The following SLIT3 variants were observed in gnomAD, a reference collection of about 807,000 sequenced individuals.
SLIT3 encodes the protein slit homolog 3 protein.
Under a neutral mutation model 184.0 loss-of-function variants are expected in SLIT3, and 68 were observed. That is an observed-to-expected ratio of 0.37 (90% CI 0.30 to 0.45). SLIT3 has a LOEUF of 0.45. Among genes scored for constraint, SLIT3 ranks in the 20% least tolerant of loss-of-function variants. The probability of loss-of-function intolerance (pLI) is 1.00; values close to 1 mark genes in which losing one functional copy is unlikely to be tolerated. For synonymous variants in SLIT3, 831 were observed against 828.6 expected (o/e 1.00, Z -0.05); for missense variants, 1,707 against 2,026.0 (o/e 0.84, Z 3.02).
chr5:168,957,783 A>T (rs1043996884), intron 4 of SLIT3, among the ~76,000 whole-genome samples: 1 of 152,038 alleles, frequency 6.6e-6, no homozygotes, highest in Non-Finnish European at 1.5e-5. Context: ...TGGGGGCGGG[A>T]GGGCCACAGG....
chr5:168,942,648 C>A (rs930789982), intron 4 of SLIT3, among the ~76,000 whole-genome samples: 1 of 152,068 alleles, frequency 6.6e-6, no homozygotes, highest in African/African-American at 2.4e-5. Flanking sequence ...TGTACTTATT[C>A]ATTCCACATT....
In SLIT3 at chr5:169,056,703, T is replaced by C. The variant is rs562167431; in HGVS notation, c.413+136776A>G. Among the ~76,000 whole-genome samples, 24 of 152,348 alleles carry C rather than the reference T, an allele frequency of 1.6e-4. 2 individuals are homozygous for C. The South Asian group carries it at 4.8e-3, about 30-fold the overall frequency. On this transcript the variant is annotated intron_variant, in intron 4 of 35. Transcript: ENST00000519560. ...AGAATTCCTACTGTTCCTGCAGCTG[T>C]GGATTTCATCGTTTCTACTTTATAA...
chr5:169,150,870 T>C (rs1219906036), intron 4 of SLIT3, among the ~76,000 whole-genome samples: 3 of 152,148 alleles, frequency 2.0e-5, no homozygotes, highest in African/African-American at 7.2e-5. Flanking sequence ...ACACGTAGCT[T>C]GGGAATCAGC....
chr5:168,748,231 T>G, intron 20 of SLIT3, 71 bp downstream of exon 20: 1 of 1,401,922 alleles, frequency 7.1e-7, no homozygotes, highest in Non-Finnish European at 9.3e-7. Flanking sequence ...CTTGAGATTC[T>G]GGGGTAAAGT....
chr5:168,796,381 T>G (rs1756566176), intron 9 of SLIT3, among the ~76,000 whole-genome samples: 1 of 152,224 alleles, frequency 6.6e-6, no homozygotes, highest in South Asian at 2.1e-4. Context: ...AATGACTTCC[T>G]GTCACCAAGA....
intron 1 of SLIT3, among the ~76,000 whole-genome samples, chr5:169,283,725 T>C (rs1009879681): frequency 3.3e-5 from 5 of 152,168 alleles, no homozygotes; most frequent in Non-Finnish European, 5.9e-5. Flanking sequence ...GTTCATCCAA[T>C]CAAAATCACT....
At chr5:168,702,399 C>T (rs936712964) in intron 26 of SLIT3, among the ~76,000 whole-genome samples, 1 of 152,132 alleles carries the variant, frequency 6.6e-6, no homozygotes, top group Non-Finnish European at 1.5e-5. Flanking sequence ...GGGGAGCAAG[C>T]AGCTGAACCC....
chr5:168,732,550 A>G (rs534944171), intron 20 of SLIT3, among the ~76,000 whole-genome samples: 3 of 152,202 alleles, frequency 2.0e-5, no homozygotes, highest in Non-Finnish European at 4.4e-5. Context: ...TGGAGGCATC[A>G]TATTACCTGA....
intron 4 of SLIT3, among the ~76,000 whole-genome samples, chr5:169,035,150 G>A (rs1757189288): frequency 6.6e-6 from 1 of 152,064 alleles, no homozygotes; most frequent in South Asian, 2.1e-4. Context: ...ATGCCTTCTA[G>A]AACTTCTAGG....
At chr5:168,726,275 C>T (rs534162959) in intron 20 of SLIT3, among the ~76,000 whole-genome samples, 1 of 149,442 alleles carries the variant, frequency 6.7e-6, no homozygotes, top group Non-Finnish European at 1.5e-5. Flanking sequence ...TACCAAGTAT[C>T]GTATATACTG....
At chr5:169,177,241 C>G (rs117583965) in intron 4 of SLIT3, among the ~76,000 whole-genome samples, 1 of 152,256 alleles carries the variant, frequency 6.6e-6, no homozygotes, top group South Asian at 2.1e-4. Flanking sequence ...TAATTTACAA[C>G]AGGGAAGTAA....
rs754569920 is a variant in SLIT3, at chr5:168,883,219, C to T, written c.485+46G>A. ...CCTCACCCTCACTCTGGTCAGAGAG[C>T]CCAAGTTAGCCACATACGTAGTGAA... On this transcript the variant is annotated intron_variant, in intron 5 of 35. Coordinates refer to ENST00000519560, the MANE Select transcript of SLIT3 (RefSeq NM_003062.4). 24 of 1,523,640 alleles carry T rather than the reference C, an allele frequency of 1.6e-5. No individual in the cohort carries two copies. In the Middle Eastern group the frequency reaches 6.8e-4, roughly 43 times the overall value. 94.4% of individuals were successfully genotyped at this position (1,523,640 alleles called of 1,614,324 possible). A position where few individuals can be genotyped will look rare whatever the true frequency, so the allele number is the denominator to read the frequency against.
chr5:169,167,479 T>C (rs1359326080), intron 4 of SLIT3, among the ~76,000 whole-genome samples: 1 of 151,792 alleles, frequency 6.6e-6, no homozygotes, highest in Non-Finnish European at 1.5e-5. Flanking sequence ...GGTTTCACCG[T>C]GTTAGCCAGG....
At chr5:168,916,772 TA>T (rs1761449762) in intron 4 of SLIT3, among the ~76,000 whole-genome samples, 1 of 152,202 alleles carries the variant, frequency 6.6e-6, no homozygotes, top group Non-Finnish European at 1.5e-5. Flanking sequence ...ATTTAAAAAA[TA>T]ATGTATTTCT....
At chr5:168,804,201 T>C (rs184109835) in intron 9 of SLIT3, among the ~76,000 whole-genome samples, 40 of 149,398 alleles carry the variant, frequency 2.7e-4, no homozygotes, top group Admixed American at 1.7e-3. Context: ...CCCAGCTACT[T>C]TGGGAGGCTG....
At chr5:169,018,197 A>G (rs2113480338) in intron 4 of SLIT3, among the ~76,000 whole-genome samples, 1 of 152,262 alleles carries the variant, frequency 6.6e-6, no homozygotes, top group East Asian at 1.9e-4. Flanking sequence ...ATGCCCCCAA[A>G]CCCACATTTT....
chr5:168,885,461 A>G (rs1760158727), intron 4 of SLIT3, among the ~76,000 whole-genome samples: 1 of 152,202 alleles, frequency 6.6e-6, no homozygotes, highest in South Asian at 2.1e-4. Context: ...GCTGCTCTCC[A>G]TCAGCCTCCG....
intron 4 of SLIT3, among the ~76,000 whole-genome samples, chr5:169,155,593 A>G (rs901796718): frequency 6.6e-6 from 1 of 152,188 alleles, no homozygotes; most frequent in Non-Finnish European, 1.5e-5. Flanking sequence ...GTCTTTGCTC[A>G]CTGCAGTGAG....
chr5:169,002,346 A>C (rs1230470409), intron 4 of SLIT3, among the ~76,000 whole-genome samples: 1 of 145,926 alleles, frequency 6.9e-6, no homozygotes, highest in African/African-American at 2.5e-5. Flanking sequence ...AAAAAAAAAA[A>C]AAAAAAAAAG....
Sources: allele counts gnomAD v4.1 joint callset (sites outside exome capture counted in the v4.1 genomes callset), GRCh38; gene constraint gnomAD v4.1.1; transcripts MANE v1.5; gene names NCBI Gene and HGNC (gene_info 2026-07-23, HGNC 2026-07-21).